PRKCE: variants seen among roughly 807,000 people sequenced by gnomAD.
PRKCE encodes protein kinase C epsilon.
PRKCE carries 16 observed loss-of-function variants against 85.4 expected under a neutral mutation model. The ratio of observed to expected loss-of-function variants is 0.19; its 90% CI spans 0.13 to 0.28. The LOEUF (loss-of-function observed/expected upper bound fraction) is 0.28, where lower values mean the gene tolerates loss of function less well. Among genes scored for constraint, PRKCE ranks in the 10% least tolerant of loss-of-function variants. The pLI is 1.00. For synonymous variants in PRKCE, 388 were observed against 371.5 expected (o/e 1.04, Z -0.51); for missense variants, 573 against 975.2 (o/e 0.59, Z 5.49).
At position 46,068,246 on chromosome 2, in the gene PRKCE, C is replaced by T. The variant is rs535754921; in HGVS notation, c.1438-17962C>T. On this transcript the variant is annotated intron_variant, in intron 10 of 14. Transcript: ENST00000306156. This position sits in a 1 kb window ranked among gnomAD's most constrained non-coding sequence, Gnocchi z 4.3. ...CTTGAGTCATAGGCTATCTAACTTA[C>T]GAGCATGCCTACTCTGTTAGGTCCA... Among the ~76,000 whole-genome samples, 107 of 152,176 alleles carry T rather than the reference C, an allele frequency of 7.0e-4. No homozygotes were observed. Among genetic ancestry groups the T allele is most frequent in the Middle Eastern group, 3.4e-3 (1 of 294 alleles).
intron 2 of PRKCE, among the ~76,000 whole-genome samples, chr2:45,898,500 A>G (rs1287905857): frequency 6.6e-6 from 1 of 152,196 alleles, no homozygotes; most frequent in African/African-American, 2.4e-5. Context: ...GGGTCGCTGG[A>G]GTCTGGAAGC....
chr2:45,899,585 G>C (rs1051043371), intron 2 of PRKCE, among the ~76,000 whole-genome samples: 36 of 152,112 alleles, frequency 2.4e-4, no homozygotes, highest in African/African-American at 8.7e-4. Flanking sequence ...GCTTTGCCAT[G>C]TTGCCCAGGC....
intron 11 of PRKCE, among the ~76,000 whole-genome samples, chr2:46,089,231 T>C (rs1233801775): frequency 6.6e-6 from 1 of 152,218 alleles, no homozygotes; most frequent in Non-Finnish European, 1.5e-5. Context: ...AACCTTCGCA[T>C]GGCTTCAGAC....
intron 2 of PRKCE, among the ~76,000 whole-genome samples, chr2:45,879,609 G>C (rs1264026443): frequency 6.6e-6 from 1 of 152,210 alleles, no homozygotes; most frequent in Non-Finnish European, 1.5e-5. Context: ...GGGCCCGAGT[G>C]GAGTTTTGCT....
intron 1 of PRKCE, among the ~76,000 whole-genome samples, chr2:45,665,175 TAA>T: frequency 6.6e-6 from 1 of 152,372 alleles, no homozygotes; most frequent in East Asian, 1.9e-4. Context: ...AATTTACATT[TAA>T]GTAACAAAAA....
chr2:45,931,483 C>T (rs1237114469), intron 2 of PRKCE, among the ~76,000 whole-genome samples: 7 of 152,218 alleles, frequency 4.6e-5, no homozygotes, highest in Non-Finnish European at 1.0e-4. Flanking sequence ...AAATTTTCCC[C>T]ACTCCCTAAA....
At chr2:46,168,904 T>C (rs1333922555) in intron 14 of PRKCE, among the ~76,000 whole-genome samples, 2 of 152,154 alleles carry the variant, frequency 1.3e-5, no homozygotes, top group African/African-American at 4.8e-5. Flanking sequence ...GGATAAGCAA[T>C]GCCCTCCTGC....
chr2:45,929,434 A>G (rs1028909865), intron 2 of PRKCE, among the ~76,000 whole-genome samples: 1 of 152,078 alleles, frequency 6.6e-6, no homozygotes, highest in East Asian at 1.9e-4. Flanking sequence ...ATTCCCATTT[A>G]TCCCCCCACG....
At chr2:46,083,814 T>A (rs536764156) in intron 10 of PRKCE, among the ~76,000 whole-genome samples, 68 of 152,312 alleles carry the variant, frequency 4.5e-4, no homozygotes, top group Non-Finnish European at 9.3e-4. Flanking sequence ...AGAGTCTTTG[T>A]TCTTGGAAGG....
At chr2:45,994,201 T>A (rs996318592) in intron 6 of PRKCE, among the ~76,000 whole-genome samples, 1 of 152,216 alleles carries the variant, frequency 6.6e-6, no homozygotes, top group Non-Finnish European at 1.5e-5. Flanking sequence ...ACAAACCTTC[T>A]GCCTCCACAC....
At chr2:45,911,855 G>A (rs1697403790) in intron 2 of PRKCE, among the ~76,000 whole-genome samples, 1 of 152,090 alleles carries the variant, frequency 6.6e-6, no homozygotes, top group South Asian at 2.1e-4. Context: ...TACCTGGTAG[G>A]ATTGTTATGA....
chr2:46,007,291 A>G (rs1437769023), intron 8 of PRKCE, among the ~76,000 whole-genome samples, 171 bp from the exon 9 acceptor site: 1 of 152,216 alleles, frequency 6.6e-6, no homozygotes, highest in Admixed American at 6.5e-5. Context: ...GGTGCCAATA[A>G]GAGTGTGGTG....
chr2:46,175,325 T>C (rs1301897448), intron 14 of PRKCE, among the ~76,000 whole-genome samples: 1 of 152,210 alleles, frequency 6.6e-6, no homozygotes, highest in Non-Finnish European at 1.5e-5. Context: ...ACAATGATTA[T>C]TCTGTGAACT....
chr2:45,967,905 C>G (rs1384551385), intron 2 of PRKCE, among the ~76,000 whole-genome samples: 2 of 152,040 alleles, frequency 1.3e-5, no homozygotes, highest in African/African-American at 4.8e-5. Flanking sequence ...CCTCATTCAA[C>G]CATACTGGCA....
intron 10 of PRKCE, among the ~76,000 whole-genome samples, chr2:46,028,892 C>T (rs919022358): frequency 3.9e-5 from 6 of 152,154 alleles, no homozygotes; most frequent in Non-Finnish European, 5.9e-5. Flanking sequence ...CTCTCACTTA[C>T]AAGTGAGAAC....
At chr2:46,131,525 C>G (rs1315838700) in intron 11 of PRKCE, among the ~76,000 whole-genome samples, 1 of 152,176 alleles carries the variant, frequency 6.6e-6, no homozygotes, top group African/African-American at 2.4e-5. Flanking sequence ...TATGGGCACC[C>G]CTTCTGATGG....
intron 1 of PRKCE, among the ~76,000 whole-genome samples, chr2:45,702,253 C>T (rs1050483825): frequency 3.9e-5 from 6 of 152,086 alleles, no homozygotes; most frequent in Admixed American, 6.5e-5. Context: ...GGGAGTCCTC[C>T]GCTCAGATAC....
chr2:45,778,274 AT>A, intron 1 of PRKCE, among the ~76,000 whole-genome samples: 1 of 152,112 alleles, frequency 6.6e-6, no homozygotes, highest in South Asian at 2.1e-4. Context: ...ACATGAAAGT[AT>A]TGCTTTGGGA....
intron 10 of PRKCE, among the ~76,000 whole-genome samples, chr2:46,023,089 C>CAAAAAAAA (rs397984467): frequency 0.28 from 20,052 of 70,660 alleles, 4,816 homozygotes; most frequent in African/African-American, 0.49. Flanking sequence ...GACTCCGTCT[C>CAAAAAAAA]AAAAAAAAAA....
Sources: allele counts gnomAD v4.1 joint callset (sites outside exome capture counted in the v4.1 genomes callset), GRCh38; gene constraint gnomAD v4.1.1; non-coding constraint Gnocchi (gnomAD v3.1); transcripts MANE v1.5; gene names NCBI Gene and HGNC (gene_info 2026-07-23, HGNC 2026-07-21).